RAB3GAP1: variants seen among roughly 807,000 people sequenced by gnomAD.
RAB3GAP1 encodes the protein RAB3 GTPase activating protein catalytic subunit 1, also known as rab3 GTPase-activating protein catalytic subunit.
RAB3GAP1 carries 86 observed loss-of-function variants against 130.7 expected under a neutral mutation model. The observed-to-expected ratio is 0.66, with a 90% CI of 0.55 to 0.79. RAB3GAP1 has a LOEUF of 0.79. Among genes scored for constraint, RAB3GAP1 ranks in the 30% least tolerant of loss-of-function variants. The pLI is 0.00. For missense variants in RAB3GAP1, 1,029 were observed against 1,169.4 expected (o/e 0.88, Z 1.75); for synonymous variants, 367 against 401.7 (o/e 0.91, Z 1.03).
At chr2:135,173,391 A>G (rs1417618210), downstream of RAB3GAP1, among the ~76,000 whole-genome samples, 2 of 152,054 alleles carry the variant, frequency 1.3e-5, no homozygotes, top group Non-Finnish European at 2.9e-5. Flanking sequence ...GGCAGAAGGA[A>G]AACCAAACGT....
chr2:135,115,246 C>T lies in RAB3GAP1; in HGVS notation c.513C>T (p.His171=), dbSNP rs1371330756. The T allele has an allele frequency of 6.2e-7, 1 of 1,612,346 alleles. No homozygotes were observed. The highest frequency in any genetic ancestry group is 8.5e-7 in the Non-Finnish European group (1 of 1,178,452). Residue 171 remains histidine, a synonymous_variant, in exon 7 of 24, where the codon CAC becomes CAT. Transcript: ENST00000264158. The stretch of plus-strand genomic sequence containing the variant: ...TGCCACTCTTTGTGCAAATTCACCA[C>T]AAATGGCGAAGAATGTATGTAGGAG... The part of the protein sequence containing the change: ...CQVPLFVQIH[H]KWRRMYVGEC...
chr2:135,113,124 T>G, intron 5 of RAB3GAP1, 27 bp from the exon 6 acceptor site: 1 of 1,614,082 alleles, frequency 6.2e-7, no homozygotes, highest in Non-Finnish European at 8.5e-7. Context: ...GTTTCCCCTG[T>G]TTAATGCAGT....
chr2:135,123,626 C>T (rs1032490111), intron 8 of RAB3GAP1, among the ~76,000 whole-genome samples: 1 of 152,118 alleles, frequency 6.6e-6, no homozygotes, highest in Non-Finnish European at 1.5e-5. Flanking sequence ...GATTTACCCT[C>T]TAAGTTCTCT....
chr2:135,057,935 C>A, intron 2 of RAB3GAP1, 76 bp from the exon 3 acceptor site: 1 of 1,070,312 alleles, frequency 9.3e-7, no homozygotes, highest in Non-Finnish European at 1.4e-6. Flanking sequence ...ATAAAAAATA[C>A]CTTTTTAAAG....
Position 135,056,026 on chromosome 2 carries a change from C to T in RAB3GAP1, c.75-1985C>T, listed in dbSNP as rs1246317586. Among the ~76,000 whole-genome samples the T allele has an allele frequency of 3.3e-5, 5 of 150,474 alleles. No homozygotes were observed. In the South Asian group the frequency reaches 8.4e-4, roughly 25 times the overall value. ...TAATTTTTTGTATTTTTAGTAGTGG[C>T]GGGGTTTCACTGTGTTAGCCAGGAT... On this transcript the variant is annotated intron_variant, in intron 2 of 23. Transcript: ENST00000264158.
At chr2:135,069,747 T>A (rs528425149) in intron 3 of RAB3GAP1, among the ~76,000 whole-genome samples, 1 of 152,308 alleles carries the variant, frequency 6.6e-6, no homozygotes, top group South Asian at 2.1e-4. Flanking sequence ...GCAGTAGGAA[T>A]TATCCCCCTC....
intron 3 of RAB3GAP1, among the ~76,000 whole-genome samples, chr2:135,088,102 G>A (rs899541559): frequency 2.0e-5 from 3 of 152,134 alleles, no homozygotes; most frequent in Non-Finnish European, 4.4e-5. Flanking sequence ...ATAGTTGTTG[G>A]TTAAGGTTGA....
At position 135,113,166 on chromosome 2, in the gene RAB3GAP1, G is replaced by C. The variant is rs1007327647; in HGVS notation, c.378G>C (p.Glu126Asp). Residue 126 changes from glutamate (E) to aspartate (D), a missense_variant, in exon 6 of 24, where the codon GAG (glutamate) becomes GAC (aspartate). By Grantham distance (45) the Glu-to-Asp change is conservative. Around this residue, in one of 3 missense-constraint regions of RAB3GAP1, gnomAD observed 510 missense variants for 532.1 expected, o/e 0.96. Coordinates refer to ENST00000264158, the MANE Select transcript of RAB3GAP1 (RefSeq NM_012233.3). ...HCLVRWYGLR[E>D]FVVIAPAAHS... Reference sequence around the variant, plus strand: ...TTTTTTTAAGGTATGGGCTACGTGAGTTCGTGGTGATTGCCCCTGCTGCAC... The same window carrying C: ...TTTTTTTAAGGTATGGGCTACGTGACTTCGTGGTGATTGCCCCTGCTGCAC... 1 of 1,614,070 alleles carries C rather than the reference G, an allele frequency of 6.2e-7. No individual in the cohort carries two copies. Among genetic ancestry groups the C allele is most frequent in the Non-Finnish European group, 8.5e-7 (1 of 1,180,048 alleles).
intron 3 of RAB3GAP1, among the ~76,000 whole-genome samples, chr2:135,075,741 C>G (rs1420422444): frequency 6.6e-6 from 1 of 150,998 alleles, no homozygotes; most frequent in Admixed American, 6.6e-5. Flanking sequence ...TCTCTATCTA[C>G]TCATTTGAGA....
chr2:135,162,586 C>A lies in RAB3GAP1; in HGVS notation c.2321C>A (p.Ala774Glu). Residue 774 changes from alanine (A) to glutamate (E), a missense_variant, in exon 20 of 24, where the codon GCA (alanine) becomes GAA (glutamate). By Grantham distance (107) the Ala-to-Glu change is moderately radical. Transcript: ENST00000264158. Reference protein sequence around the residue: ...VLHYLAIQKPADLARHLLPCV... With the variant: ...VLHYLAIQKPEDLARHLLPCV... Reference sequence around the variant, plus strand: ...CACTATCTGGCAATCCAGAAACCTGCAGACCTTGCTCGGCACCTGTTACCT... The same window carrying A: ...CACTATCTGGCAATCCAGAAACCTGAAGACCTTGCTCGGCACCTGTTACCT... 6.2e-7 allele frequency: 1 copy of A among 1,614,040 alleles called. No homozygotes were observed. The highest frequency in any genetic ancestry group is 8.5e-7 in the Non-Finnish European group (1 of 1,179,984).
chr2:135,110,718 A>G (rs1476750922), intron 5 of RAB3GAP1, among the ~76,000 whole-genome samples: 4 of 152,234 alleles, frequency 2.6e-5, no homozygotes, highest in Admixed American at 2.6e-4. Flanking sequence ...ATAGATGTAG[A>G]AAAACAGTTG....
intron 22 of RAB3GAP1, among the ~76,000 whole-genome samples, chr2:135,163,312 A>G (rs1376640922): frequency 6.6e-6 from 1 of 152,194 alleles, no homozygotes; most frequent in African/African-American, 2.4e-5. Flanking sequence ...TCCCACTTTT[A>G]GAAACAGTCT....
intron 5 of RAB3GAP1, among the ~76,000 whole-genome samples, chr2:135,106,448 A>G (rs2104901181): frequency 6.6e-6 from 1 of 152,332 alleles, no homozygotes; most frequent in Admixed American, 6.5e-5. Context: ...GTTAATCTAT[A>G]ACCTTACCCC....
At chr2:135,113,562 A>G (rs901641728) in intron 6 of RAB3GAP1, among the ~76,000 whole-genome samples, 2 of 152,178 alleles carry the variant, frequency 1.3e-5, no homozygotes, top group African/African-American at 4.8e-5. Flanking sequence ...TCACAGGGCA[A>G]CTGATCAGAG....
rs376456671 is a variant in RAB3GAP1, at chr2:135,059,377, G to A, written c.150+1291G>A. 2.2e-4 allele frequency among the ~76,000 whole-genome samples: 33 copies of A among 152,244 alleles called. No homozygotes were observed. In the South Asian group the frequency reaches 5.8e-3, roughly 27 times the overall value. On this transcript the variant is annotated intron_variant, in intron 3 of 23. Coordinates refer to ENST00000264158, the MANE Select transcript of RAB3GAP1 (RefSeq NM_012233.3). ...TATTCTTTCATTCTTTGATTTACAT[G>A]TATTTACTGAGTACCTGCTATGTGC... is the stretch of plus-strand genomic sequence containing the variant.
chr2:135,063,805 G>C (rs1022435156), intron 3 of RAB3GAP1, among the ~76,000 whole-genome samples: 1 of 152,098 alleles, frequency 6.6e-6, no homozygotes, highest in Admixed American at 6.5e-5. Flanking sequence ...TATCTGTCAG[G>C]TTCCTGCTTT....
At chr2:135,151,050 T>C (rs572366295) in intron 18 of RAB3GAP1, among the ~76,000 whole-genome samples, 6 of 152,244 alleles carry the variant, frequency 3.9e-5, no homozygotes, top group Non-Finnish European at 7.3e-5. Flanking sequence ...CTATTTCAGA[T>C]GAGTAGGCAT....
chr2:135,117,615 G>GCTGCTT (rs1691043587), intron 7 of RAB3GAP1, among the ~76,000 whole-genome samples: 1 of 24,998 alleles, frequency 4.0e-5, no homozygotes, highest in African/African-American at 1.5e-4. Context: ...TGCTTCTTCT[G>GCTGCTT]CTTCTGCTTC....
chr2:135,077,162 C>T (rs968896652), intron 3 of RAB3GAP1, among the ~76,000 whole-genome samples: 2 of 151,680 alleles, frequency 1.3e-5, no homozygotes, highest in Non-Finnish European at 1.5e-5. Flanking sequence ...CCTAGCTACT[C>T]GGGAGGCTGA....
Sources: gnomAD v4.1 joint callset for allele counts (sites outside exome capture counted in the v4.1 genomes callset) on GRCh38, gnomAD v4.1.1 for gene constraint, gnomAD v4.1.1 regional missense constraint, MANE v1.5 for transcripts, NCBI Gene and HGNC (gene_info 2026-07-23, HGNC 2026-07-21) for gene names.